DNER: variants seen among roughly 807,000 people sequenced by gnomAD.
DNER encodes delta/notch like EGF repeat containing, also known as delta and Notch-like epidermal growth factor-related receptor.
Under a neutral mutation model 78.2 loss-of-function variants are expected in DNER, and 33 were observed. The ratio of observed to expected loss-of-function variants is 0.42; its 90% CI spans 0.32 to 0.56. The LOEUF is 0.56. Ranked by LOEUF, DNER falls within the 20% of genes least tolerant of loss-of-function variation. The pLI is 0.11. For missense variants in DNER, 918 were observed against 975.3 expected (o/e 0.94, Z 0.78); for synonymous variants, 417 against 384.8 (o/e 1.08, Z -0.98).
At chr2:229,615,168 T>C (rs1165921351) in intron 1 of DNER, among the ~76,000 whole-genome samples, 1 of 152,046 alleles carries the variant, frequency 6.6e-6, no homozygotes, top group Non-Finnish European at 1.5e-5. Context: ...TCCCAGCACT[T>C]TGGGAGGCCG....
At chr2:229,445,074 C>T (rs891446647) in intron 8 of DNER, among the ~76,000 whole-genome samples, 9 of 152,142 alleles carry the variant, frequency 5.9e-5, no homozygotes, top group African/African-American at 2.2e-4. Context: ...ACATGTGTTA[C>T]GACATCCAGA....
intron 4 of DNER, among the ~76,000 whole-genome samples, chr2:229,571,199 G>T (rs529727948): frequency 1.2e-4 from 19 of 152,106 alleles, no homozygotes; most frequent in Non-Finnish European, 2.6e-4. Flanking sequence ...CTGATAAATA[G>T]ATGTGGGAAA....
chr2:229,426,315 C>CCTGTA (rs1693876611), intron 8 of DNER, among the ~76,000 whole-genome samples: 2 of 151,780 alleles, frequency 1.3e-5, no homozygotes, highest in African/African-American at 4.8e-5. Context: ...GTGGCGGGTG[C>CCTGTA]CTGTAGTCCC....
At chr2:229,685,544 G>A (rs557850483) in intron 1 of DNER, among the ~76,000 whole-genome samples, 1 of 152,312 alleles carries the variant, frequency 6.6e-6, no homozygotes, top group South Asian at 2.1e-4. Flanking sequence ...AACGCTAGCT[G>A]TCATCATCAC....
intron 1 of DNER, among the ~76,000 whole-genome samples, chr2:229,636,440 C>A (rs1452814920): frequency 1.3e-5 from 2 of 152,136 alleles, no homozygotes; most frequent in Non-Finnish European, 2.9e-5. Flanking sequence ...GATGGGGAAA[C>A]AGGAAATGCT....
At chr2:229,601,756 C>G (rs1052155550) in intron 1 of DNER, among the ~76,000 whole-genome samples, 3 of 152,168 alleles carry the variant, frequency 2.0e-5, no homozygotes, top group Admixed American at 2.0e-4. Context: ...TTAAAACATA[C>G]TGCATTTGGA....
chr2:229,704,320 T>C (rs1211027878), intron 1 of DNER, among the ~76,000 whole-genome samples: 1 of 152,178 alleles, frequency 6.6e-6, no homozygotes, highest in African/African-American at 2.4e-5. Flanking sequence ...AACACGCACT[T>C]ACCACATGAC....
chr2:229,371,799 G>A (rs1412051639), intron 11 of DNER, among the ~76,000 whole-genome samples: 2 of 152,080 alleles, frequency 1.3e-5, no homozygotes, highest in Non-Finnish European at 2.9e-5. Flanking sequence ...GCTTACCTAT[G>A]TTATTTTTAA....
At chr2:229,391,195 G>A (rs1024388732) in intron 10 of DNER, among the ~76,000 whole-genome samples, 2 of 152,120 alleles carry the variant, frequency 1.3e-5, no homozygotes, top group Admixed American at 6.6e-5. Context: ...CTTCATTTAC[G>A]TTTCCCCATA....
At chr2:229,672,212 C>T (rs116710290) in intron 1 of DNER, among the ~76,000 whole-genome samples, 2,414 of 152,264 alleles carry the variant, frequency 0.016, 28 homozygotes, top group Non-Finnish European at 0.024. Flanking sequence ...TGGAATCAGA[C>T]GCAGGCTCAC....
intron 4 of DNER, among the ~76,000 whole-genome samples, chr2:229,582,829 C>T (rs531464642): frequency 2.0e-5 from 3 of 152,122 alleles, no homozygotes; most frequent in South Asian, 4.2e-4. Flanking sequence ...TTAGTAGAGA[C>T]GGGGTTTCAC....
intron 9 of DNER, among the ~76,000 whole-genome samples, chr2:229,412,280 A>G (rs1456308145): frequency 1.3e-5 from 2 of 152,208 alleles, no homozygotes; most frequent in Non-Finnish European, 2.9e-5. Flanking sequence ...TAACAATTCC[A>G]TAATCTACAG....
chr2:229,461,116 A>G (rs557003471), intron 7 of DNER, among the ~76,000 whole-genome samples: 1 of 152,160 alleles, frequency 6.6e-6, no homozygotes, highest in Admixed American at 6.5e-5. Flanking sequence ...GTCAGAACAG[A>G]TTTCATCTTC....
chr2:229,429,298 T>G (rs1232544641), intron 8 of DNER, among the ~76,000 whole-genome samples: 1 of 152,212 alleles, frequency 6.6e-6, no homozygotes, highest in African/African-American at 2.4e-5. Context: ...TGTTTCTAGA[T>G]GGGGAGCACT....
chr2:229,465,922 G>A (rs1270028408), intron 7 of DNER, among the ~76,000 whole-genome samples: 2 of 151,974 alleles, frequency 1.3e-5, no homozygotes, highest in African/African-American at 4.8e-5. Context: ...TCGAAAACTG[G>A]TGTGTCCTCT....
At chr2:229,505,068 G>A (rs1695707143) in intron 6 of DNER, among the ~76,000 whole-genome samples, 1 of 152,108 alleles carries the variant, frequency 6.6e-6, no homozygotes, top group African/African-American at 2.4e-5. Flanking sequence ...AAGGGACCTG[G>A]ATCCCTGAGT....
intron 1 of DNER, among the ~76,000 whole-genome samples, chr2:229,593,734 G>A (rs764001584): frequency 1.2e-4 from 19 of 152,162 alleles, no homozygotes; most frequent in South Asian, 2.1e-4. Context: ...CTTGTGGAAC[G>A]GGTGTCACCC....
chr2:229,434,188 G>T (rs1694073668), intron 8 of DNER, among the ~76,000 whole-genome samples: 1 of 152,170 alleles, frequency 6.6e-6, no homozygotes, highest in South Asian at 2.1e-4. Context: ...TATCTTTCTG[G>T]CTGTATTTAC....
Position 229,591,817 on chromosome 2 carries a change from G to A in DNER, c.348C>T (p.Ser116=). 2 of 1,445,212 alleles carry A rather than the reference G, an allele frequency of 1.4e-6. No individual in the cohort carries two copies. Among genetic ancestry groups the A allele is most frequent in the Non-Finnish European group, 1.8e-6 (2 of 1,083,354 alleles). The allele number at this position is 1,445,212 out of a possible 1,614,324, so 89.5% of individuals were successfully genotyped here. The change falls in exon 2 of 13, where the codon AGC becomes AGT. Residue 116 remains serine, a synonymous_variant. Coordinates refer to ENST00000341772, the MANE Select transcript of DNER (RefSeq NM_139072.4). The surrounding 1 kb of genome is among the most constrained non-coding windows in gnomAD (Gnocchi z 4.6). ...GNCSSSSSSS[S]DGYLCICNEG... is the part of the protein sequence containing the mutation. ...CATTGCAAATGCAGAGGTAGCCATC[G>A]CTGCTGCTGCTGCTGCTGCTGCTGC...
Sources: allele counts gnomAD v4.1 joint callset (sites outside exome capture counted in the v4.1 genomes callset), GRCh38; gene constraint gnomAD v4.1.1; non-coding constraint Gnocchi (gnomAD v3.1); transcripts MANE v1.5; gene names NCBI Gene and HGNC (gene_info 2026-07-23, HGNC 2026-07-21).